DYM: variants seen among roughly 807,000 people sequenced by gnomAD.
The protein encoded by DYM is dymeclin.
DYM carries 78 observed loss-of-function variants against 93.1 expected under a neutral mutation model. The ratio of observed to expected loss-of-function variants is 0.84; its 90% confidence interval spans 0.70 to 1.01. The LOEUF is 1.01. Among genes scored for constraint, DYM ranks in the 50% least tolerant of loss-of-function variants. The probability of loss-of-function intolerance (pLI) is 0.00; values close to 1 mark genes in which losing one functional copy is unlikely to be tolerated. For missense variants in DYM, 789 were observed against 845.0 expected (o/e 0.93, Z 0.82); for synonymous variants, 321 against 319.7 (o/e 1.00, Z -0.04).
chr18:49,202,070 G>A (rs2092035830), intron 14 of DYM, among the ~76,000 whole-genome samples: 1 of 152,164 alleles, frequency 6.6e-6, no homozygotes, highest in East Asian at 1.9e-4. Flanking sequence ...AGAATACTTA[G>A]CAGGCCACAG....
intron 14 of DYM, among the ~76,000 whole-genome samples, chr18:49,194,367 A>G (rs1442634337): frequency 2.0e-5 from 3 of 151,952 alleles, no homozygotes; most frequent in African/African-American, 7.3e-5. Context: ...ACATCAACTG[A>G]GACTAGAGTG....
intron 2 of DYM, among the ~76,000 whole-genome samples, chr18:49,401,745 G>C (rs779316065): frequency 6.6e-6 from 1 of 152,052 alleles, no homozygotes; most frequent in Non-Finnish European, 1.5e-5. Context: ...TCACAACTAG[G>C]CTGGGTGCTG....
chr18:49,223,108 A>G (rs1025939192), intron 13 of DYM, among the ~76,000 whole-genome samples: 9 of 152,124 alleles, frequency 5.9e-5, no homozygotes, highest in African/African-American at 1.7e-4. Flanking sequence ...TTCAGTTTAC[A>G]ATAGAAATTG....
At chr18:49,351,045 G>C (rs2065076816) in intron 6 of DYM, among the ~76,000 whole-genome samples, 2 of 151,970 alleles carry the variant, frequency 1.3e-5, no homozygotes, top group Non-Finnish European at 2.9e-5. Context: ...GAGTTTTAGA[G>C]AGACTTAAAA....
chr18:49,118,917 G>T lies in DYM; in HGVS notation c.1738C>A (p.Leu580Ile). The T allele has an allele frequency of 1.2e-6, 2 of 1,613,816 alleles. No homozygotes were observed. Among genetic ancestry groups the T allele is most frequent in the Non-Finnish European group, 8.5e-7 (1 of 1,179,882 alleles). ...DVPLPDYAQD[L>I]NVIEEVIRMM... The stretch of plus-strand genomic sequence containing the variant: ...CGAATCACTTCTTCAATGACATTTA[G>T]GTCTTGTGCCTTATAGAGAAAAGAA... Residue 580 changes from leucine to isoleucine, a missense_variant, in exon 16 of 18, where the codon CTA (leucine) becomes ATA (isoleucine). Around this residue, in one of 3 missense-constraint regions of DYM, gnomAD observed 225 missense variants for 303.0 expected, o/e 0.74. Transcript: ENST00000675505.
At chr18:49,191,768 A>C (rs2090995907) in intron 14 of DYM, among the ~76,000 whole-genome samples, 1 of 152,234 alleles carries the variant, frequency 6.6e-6, no homozygotes, top group Non-Finnish European at 1.5e-5. Flanking sequence ...AATAATATTA[A>C]ATTTGTAATG....
chr18:49,309,669 A>C (rs1396503569), intron 8 of DYM, among the ~76,000 whole-genome samples: 1 of 152,232 alleles, frequency 6.6e-6, no homozygotes, highest in African/African-American at 2.4e-5. Context: ...CTAACTTTGT[A>C]ATGTATAAAC....
At chr18:49,200,076 T>C (rs2091869927) in intron 14 of DYM, among the ~76,000 whole-genome samples, 1 of 152,154 alleles carries the variant, frequency 6.6e-6, no homozygotes, top group African/African-American at 2.4e-5. Flanking sequence ...GAGGAACTCC[T>C]ATCTAATCCT....
chr18:49,143,659 G>A (rs552520302), intron 15 of DYM, among the ~76,000 whole-genome samples: 36 of 152,210 alleles, frequency 2.4e-4, no homozygotes, highest in African/African-American at 7.0e-4. Flanking sequence ...AAATTGTGGT[G>A]AAATAAACAT....
At chr18:49,367,243 C>T (rs1301797475) in intron 5 of DYM, among the ~76,000 whole-genome samples, 2 of 152,136 alleles carry the variant, frequency 1.3e-5, no homozygotes, top group Non-Finnish European at 2.9e-5. Flanking sequence ...TATTATCATC[C>T]GTATTGTGCA....
intron 5 of DYM, 22 bp from the exon 6 acceptor site, chr18:49,363,255 T>C (rs1367419049): frequency 6.7e-7 from 1 of 1,499,484 alleles, no homozygotes; most frequent in African/African-American, 1.8e-5. Flanking sequence ...CATAAAAAGA[T>C]TTTTTTTTAA....
intron 14 of DYM, among the ~76,000 whole-genome samples, chr18:49,177,305 A>G (rs941263627): frequency 1.3e-5 from 2 of 152,160 alleles, no homozygotes; most frequent in Non-Finnish European, 2.9e-5. Flanking sequence ...CATGTTTACT[A>G]TATGTCAGAT....
intron 16 of DYM, among the ~76,000 whole-genome samples, chr18:49,102,121 T>G (rs1236129999): frequency 2.6e-5 from 4 of 152,222 alleles, no homozygotes; most frequent in African/African-American, 9.6e-5. Context: ...GAACCAATAA[T>G]GATAATGTGG....
At chr18:49,052,128 T>C (rs1232100778) in intron 17 of DYM, among the ~76,000 whole-genome samples, 1 of 152,192 alleles carries the variant, frequency 6.6e-6, no homozygotes, top group Non-Finnish European at 1.5e-5. Context: ...TGGAAGCACA[T>C]GGTAAGGAGC....
intron 6 of DYM, among the ~76,000 whole-genome samples, chr18:49,343,891 T>G (rs1001155647): frequency 1.3e-5 from 2 of 151,620 alleles, no homozygotes; most frequent in African/African-American, 4.9e-5. Context: ...GAGGATCACT[T>G]GAGGCCAGGA....
chr18:49,391,905 G>A (rs565004784), intron 2 of DYM, among the ~76,000 whole-genome samples: 2 of 152,264 alleles, frequency 1.3e-5, no homozygotes, highest in East Asian at 3.9e-4. Context: ...AAGGCAGCAG[G>A]GAGACTTAGA....
chr18:49,378,591 C>T lies in DYM; in HGVS notation c.397G>A (p.Glu133Lys), dbSNP rs1478140625. 6.2e-7 allele frequency: 1 copy of T among 1,611,926 alleles called. No individual in the cohort carries two copies. Among genetic ancestry groups the T allele is most frequent in the African/African-American group, 1.3e-5 (1 of 74,954 alleles). ...EEELQLHFTY[E>K]EKSPGNYSSD... Reference sequence around the variant, plus strand: ...CTGTAATTGCCAGGAGATTTTTCTTCATAAGTAAAATGAAGTTGTAATTCC... The same window carrying T: ...CTGTAATTGCCAGGAGATTTTTCTTTATAAGTAAAATGAAGTTGTAATTCC... The change falls in exon 5 of 18, where the codon GAA becomes AAA. Residue 133 changes from glutamate to lysine, a missense_variant. Around this residue, in one of 3 missense-constraint regions of DYM, gnomAD observed 450 missense variants for 436.2 expected, o/e 1.03. Transcript: ENST00000675505.
chr18:49,378,311 T>C (rs573250862), intron 5 of DYM, among the ~76,000 whole-genome samples: 2 of 152,314 alleles, frequency 1.3e-5, no homozygotes, highest in African/African-American at 4.8e-5. Context: ...TTCATCCACA[T>C]GCATGAAAGT....
chr18:49,259,690 C>A (rs1166391329), intron 11 of DYM, among the ~76,000 whole-genome samples: 1 of 152,070 alleles, frequency 6.6e-6, no homozygotes, highest in Non-Finnish European at 1.5e-5. Flanking sequence ...TCCATACTCA[C>A]TGAAAGAACA....
Sources: allele counts gnomAD v4.1 joint callset (sites outside exome capture counted in the v4.1 genomes callset), GRCh38; gene constraint gnomAD v4.1.1; regional missense constraint gnomAD v4.1.1; transcripts MANE v1.5; gene names NCBI Gene and HGNC (gene_info 2026-07-23, HGNC 2026-07-21).